MKLN1: variants seen among roughly 807,000 people sequenced by gnomAD.
MKLN1 encodes muskelin.
A neutral mutation model predicts 99.0 loss-of-function variants in MKLN1; 18 were observed. The observed-to-expected ratio is 0.18, with a 90% CI of 0.13 to 0.27. MKLN1 has a LOEUF of 0.27. MKLN1 is among the 10% of genes least tolerant of loss of function. The pLI is 1.00. For synonymous variants in MKLN1, 288 were observed against 293.2 expected (o/e 0.98, Z 0.18); for missense variants, 621 against 875.9 (o/e 0.71, Z 3.67).
In MKLN1 at chr7:131,476,595, A is replaced by C. The variant is rs556960747; in HGVS notation, c.2032-2028A>C. On this transcript the variant is annotated intron_variant, in intron 16 of 17. Coordinates refer to ENST00000352689, the MANE Select transcript of MKLN1 (RefSeq NM_013255.5). ...AGTCTGTTGTAAGAAATTAAAGAAG[A>C]CCTTGATAAATGGAGAGATATATTT... Among the ~76,000 whole-genome samples, 5 of 152,356 alleles carry C rather than the reference A, an allele frequency of 3.3e-5. No homozygotes were observed. The South Asian group carries it at 1.0e-3, about 32-fold the overall frequency.
chr7:131,327,628 A>G (rs533413769), upstream of MKLN1: 755 of 436,288 alleles, frequency 1.7e-3, 4 homozygotes, highest in Non-Finnish European at 2.5e-3. Flanking sequence ...TGCTTGTAAG[A>G]AAAGTCCTTT....
At chr7:131,355,096 T>C (rs1251395506) in intron 1 of MKLN1, among the ~76,000 whole-genome samples, 1 of 152,104 alleles carries the variant, frequency 6.6e-6, no homozygotes, top group Non-Finnish European at 1.5e-5. Flanking sequence ...TTTATTTCAC[T>C]GTTTTGTATT....
chr7:131,421,011 G>A (rs370034893), intron 8 of MKLN1, among the ~76,000 whole-genome samples: 1 of 152,050 alleles, frequency 6.6e-6, no homozygotes, highest in Admixed American at 6.6e-5. Context: ...GGTTATATTC[G>A]AACATATTTA....
chr7:131,447,886 G>C (rs146299960), intron 12 of MKLN1, among the ~76,000 whole-genome samples: 1 of 152,290 alleles, frequency 6.6e-6, no homozygotes, highest in East Asian at 1.9e-4. Flanking sequence ...AGAAGTTTGA[G>C]TGCAAGGAAG....
At chr7:131,425,785 C>T (rs576942872) in intron 8 of MKLN1, among the ~76,000 whole-genome samples, 24 of 152,256 alleles carry the variant, frequency 1.6e-4, no homozygotes, top group Admixed American at 3.3e-4. Context: ...ATCTACTACC[C>T]TACTGCAAAT....
intron 8 of MKLN1, among the ~76,000 whole-genome samples, chr7:131,415,111 G>C (rs544320906): frequency 1.3e-5 from 2 of 151,028 alleles, no homozygotes; most frequent in Non-Finnish European, 3.0e-5. Context: ...TTTTTGTTTG[G>C]TTTTGTTTTT....
intron 3 of MKLN1, among the ~76,000 whole-genome samples, chr7:131,319,985 T>TA (rs1798743852): frequency 6.6e-6 from 1 of 152,178 alleles, no homozygotes; most frequent in East Asian, 1.9e-4. Context: ...ATCAATATCA[T>TA]GAAAATGGCC....
chr7:131,334,617 A>G (rs2116705166), intron 1 of MKLN1, among the ~76,000 whole-genome samples: 1 of 152,264 alleles, frequency 6.6e-6, no homozygotes, highest in South Asian at 2.1e-4. Context: ...AAATGGTTCT[A>G]TTATTTGCGT....
At chr7:131,484,491 C>G (rs1797219124) in intron 17 of MKLN1, among the ~76,000 whole-genome samples, 1 of 152,140 alleles carries the variant, frequency 6.6e-6, no homozygotes, top group Non-Finnish European at 1.5e-5. Flanking sequence ...GATTATAATA[C>G]TTCATTGTTT....
At chr7:131,423,215 A>G (rs960126523) in intron 8 of MKLN1, among the ~76,000 whole-genome samples, 2 of 152,224 alleles carry the variant, frequency 1.3e-5, no homozygotes, top group Non-Finnish European at 2.9e-5. Flanking sequence ...AATATTTGGT[A>G]TCTACAAAAG....
At chr7:131,252,805 T>C (rs1175662132) in intron 3 of MKLN1, among the ~76,000 whole-genome samples, 1 of 152,212 alleles carries the variant, frequency 6.6e-6, no homozygotes, top group Non-Finnish European at 1.5e-5. Context: ...GTTCTTGGCA[T>C]GCACAAGGGG....
chr7:131,456,812 A>G (rs965677178), intron 12 of MKLN1, among the ~76,000 whole-genome samples: 1 of 151,852 alleles, frequency 6.6e-6, no homozygotes, highest in Non-Finnish European at 1.5e-5. Context: ...CTTAATCTCT[A>G]CCAGTTAAGG....
chr7:131,350,466 G>A (rs1432231547), intron 1 of MKLN1, among the ~76,000 whole-genome samples: 1 of 152,184 alleles, frequency 6.6e-6, no homozygotes, highest in African/African-American at 2.4e-5. Flanking sequence ...AGATTTGAGA[G>A]GTCTTCTGCT....
chr7:131,415,986 A>G (rs1795006046), intron 8 of MKLN1, among the ~76,000 whole-genome samples: 2 of 152,074 alleles, frequency 1.3e-5, no homozygotes, highest in Non-Finnish European at 2.9e-5. Context: ...AATAGAGATG[A>G]GGTTTTGCCA....
intron 1 of MKLN1, among the ~76,000 whole-genome samples, chr7:131,348,373 C>A (rs1799623386): frequency 6.6e-6 from 1 of 152,080 alleles, no homozygotes; most frequent in African/African-American, 2.4e-5. Context: ...GAAAATAATT[C>A]ATATATATGC....
intron 3 of MKLN1, among the ~76,000 whole-genome samples, chr7:131,295,838 T>C (rs1468688178): frequency 6.6e-6 from 1 of 150,812 alleles, no homozygotes; most frequent in African/African-American, 2.4e-5. Context: ...TGAGTAATGA[T>C]TCCACTACTG....
At chr7:131,265,601 G>C (rs1265656137) in intron 3 of MKLN1, among the ~76,000 whole-genome samples, 1 of 152,146 alleles carries the variant, frequency 6.6e-6, no homozygotes, top group African/African-American at 2.4e-5. Context: ...AGGAGTGTAA[G>C]AATCCCAGCG....
chr7:131,467,695 T>C (rs1796700090), intron 15 of MKLN1, among the ~76,000 whole-genome samples: 1 of 152,192 alleles, frequency 6.6e-6, no homozygotes, highest in Non-Finnish European at 1.5e-5. Context: ...GGACAGCTTG[T>C]AAAGGGCCGT....
chr7:131,199,373 G>C (rs62472635), intron 2 of MKLN1, among the ~76,000 whole-genome samples: 1 of 151,852 alleles, frequency 6.6e-6, no homozygotes, highest in Non-Finnish European at 1.5e-5. Context: ...TCCTGCTTCC[G>C]AAGTAGCTGA....
Sources: gnomAD v4.1 joint callset for allele counts (sites outside exome capture counted in the v4.1 genomes callset) on GRCh38, gnomAD v4.1.1 for gene constraint, MANE v1.5 for transcripts, NCBI Gene and HGNC (gene_info 2026-07-23, HGNC 2026-07-21) for gene names.